The following KLHL1 variants were observed in gnomAD, a reference collection of about 807,000 sequenced individuals.
The protein encoded by KLHL1 is kelch-like protein 1.
KLHL1 carries 47 observed loss-of-function variants against 77.7 expected under a neutral mutation model. The observed-to-expected ratio is 0.60, with a 90% CI of 0.48 to 0.77. KLHL1 has a LOEUF of 0.77. Among genes scored for constraint, KLHL1 ranks in the 30% least tolerant of loss-of-function variants. KLHL1 has a pLI of 0.00. For synonymous variants in KLHL1, 360 were observed against 325.2 expected (o/e 1.11, Z -1.15); for missense variants, 925 against 910.8 (o/e 1.02, Z -0.20).
chr13:70,048,968 G>A (rs1169785636), intron 1 of KLHL1, among the ~76,000 whole-genome samples: 2 of 152,110 alleles, frequency 1.3e-5, no homozygotes, highest in Non-Finnish European at 2.9e-5. Flanking sequence ...GTTTTGCTTG[G>A]AGTTAGTCTA....
intron 1 of KLHL1, among the ~76,000 whole-genome samples, chr13:69,990,646 C>T (rs1343748601): frequency 6.6e-6 from 1 of 151,942 alleles, no homozygotes; most frequent in Non-Finnish European, 1.5e-5. Context: ...ATGCACCCAA[C>T]ACAGGTACAC....
chr13:70,036,015 C>G (rs1326340203), intron 1 of KLHL1, among the ~76,000 whole-genome samples: 3 of 151,998 alleles, frequency 2.0e-5, no homozygotes, highest in Non-Finnish European at 2.9e-5. Flanking sequence ...TGATGAGTAT[C>G]AACACACTGA....
chr13:69,790,142 C>T (rs9572286), intron 7 of KLHL1, among the ~76,000 whole-genome samples: 35,417 of 152,078 alleles, frequency 0.23, 4,236 homozygotes, highest in South Asian at 0.32. Flanking sequence ...CTTAGTTTAT[C>T]CTTGTTGTAC....
At chr13:69,871,108 CTTCCACCGCTT>C (rs1880566988) in intron 5 of KLHL1, among the ~76,000 whole-genome samples, 1 of 152,118 alleles carries the variant, frequency 6.6e-6, no homozygotes, top group Non-Finnish European at 1.5e-5. Context: ...AGCTGCCAAG[CTTCCACCGCTT>C]TTCCATTGTG....
chr13:69,992,985 T>G (rs1241706049), intron 1 of KLHL1, among the ~76,000 whole-genome samples: 1 of 152,026 alleles, frequency 6.6e-6, no homozygotes, highest in African/African-American at 2.4e-5. Context: ...TAAAATCATA[T>G]TGATTAGTAA....
chr13:69,959,787 G>T (rs985085287), intron 3 of KLHL1, among the ~76,000 whole-genome samples: 2 of 151,882 alleles, frequency 1.3e-5, no homozygotes, highest in African/African-American at 2.4e-5. Context: ...ATTGCTTCAA[G>T]TTGTAAAACT....
intron 1 of KLHL1, among the ~76,000 whole-genome samples, chr13:70,052,336 A>G (rs1886648849): frequency 6.6e-6 from 1 of 151,686 alleles, no homozygotes. Context: ...CTGATGAGAA[A>G]GAAAAAAAAA....
chr13:69,714,752 C>T (rs1028466775), intron 9 of KLHL1, among the ~76,000 whole-genome samples: 3 of 151,948 alleles, frequency 2.0e-5, no homozygotes, highest in African/African-American at 7.2e-5. Context: ...TGCCACCACA[C>T]CTCACTAATT....
At chr13:70,004,786 A>C (rs1238232962) in intron 1 of KLHL1, among the ~76,000 whole-genome samples, 1 of 151,806 alleles carries the variant, frequency 6.6e-6, no homozygotes, top group East Asian at 1.9e-4. Context: ...TCTGGGGTTA[A>C]ATAAATCAAA....
At chr13:69,728,884 A>T (rs1369879812) in intron 8 of KLHL1, among the ~76,000 whole-genome samples, 1 of 152,048 alleles carries the variant, frequency 6.6e-6, no homozygotes, top group African/African-American at 2.4e-5. Flanking sequence ...TCATGAAAGA[A>T]ACTCTGTTTT....
At chr13:69,940,440 G>T (rs1300399673) in intron 3 of KLHL1, among the ~76,000 whole-genome samples, 3 of 151,992 alleles carry the variant, frequency 2.0e-5, no homozygotes, top group African/African-American at 7.2e-5. Context: ...AAATCACTCA[G>T]TAGATACAAA....
At position 70,043,125 on chromosome 13, in the gene KLHL1, G is replaced by C. The variant is rs142553856; in HGVS notation, c.497+64078C>G. 8.9e-4 allele frequency among the ~76,000 whole-genome samples: 136 copies of C among 152,118 alleles called. 1 individual carries two copies. The highest frequency in any genetic ancestry group is 3.0e-3 in the African/African-American group (124 of 41,482). ...TCACCATGTTAGCCAGGCTGATCTCGAACTCCCGACCTCTGGTGATCCACC... is the reference window on the plus strand; with the variant it reads ...TCACCATGTTAGCCAGGCTGATCTCCAACTCCCGACCTCTGGTGATCCACC... On this transcript the variant is annotated intron_variant, in intron 1 of 10. Transcript: ENST00000377844.
intron 6 of KLHL1, among the ~76,000 whole-genome samples, chr13:69,832,820 G>A (rs1878814766): frequency 6.6e-6 from 1 of 152,096 alleles, no homozygotes. Context: ...ACAGCCAACT[G>A]ATCTTTGACA....
At position 69,941,135 on chromosome 13, in the gene KLHL1, T is replaced by G. The variant is rs1309407140; in HGVS notation, c.818-899A>C. ...GGATTTAACAAATATTTACAGAACA[T>G]TCTGCCCCTAAACTGCAGAATATAT... On this transcript the variant is annotated intron_variant, in intron 3 of 10. Transcript: ENST00000377844. 3.3e-5 allele frequency among the ~76,000 whole-genome samples: 5 copies of G among 152,046 alleles called. No individual in the cohort carries two copies. The East Asian group carries it at 9.6e-4, about 29-fold the overall frequency.
intron 1 of KLHL1, among the ~76,000 whole-genome samples, chr13:70,091,218 C>T (rs1887665848): frequency 6.6e-6 from 1 of 152,004 alleles, no homozygotes; most frequent in Non-Finnish European, 1.5e-5. Context: ...GGTTCGTCTT[C>T]ACTCACAAGT....
chr13:69,918,001 A>G (rs924059406), intron 4 of KLHL1, among the ~76,000 whole-genome samples: 1 of 152,086 alleles, frequency 6.6e-6, no homozygotes, highest in African/African-American at 2.4e-5. Flanking sequence ...TGATATTGAT[A>G]TGTTGTAAGG....
rs118097561 is a variant in KLHL1, at chr13:70,016,429, C to T, written c.498-40627G>A. 6.1e-3 allele frequency among the ~76,000 whole-genome samples: 930 copies of T among 152,342 alleles called. 7 individuals are homozygous for T. The highest frequency in any genetic ancestry group is 0.024 in the Middle Eastern group (7 of 294). ...GGGGCCCAGGAAGACCCCCTGTCCC[C>T]GTAGGCTCGTAAGTGCCTGCTCTAG... On this transcript the variant is annotated intron_variant, in intron 1 of 10. Transcript: ENST00000377844.
intron 4 of KLHL1, chr13:69,894,589 T>C (rs1180031292): frequency 2.6e-5 from 4 of 156,776 alleles, no homozygotes; most frequent in Admixed American, 1.3e-4. Flanking sequence ...ACAATTCCCA[T>C]ATGAAATTGG....
At chr13:69,770,370 G>A (rs573525913) in intron 7 of KLHL1, among the ~76,000 whole-genome samples, 8 of 152,336 alleles carry the variant, frequency 5.3e-5, no homozygotes, top group South Asian at 2.1e-4. Flanking sequence ...TGCTGGCCAC[G>A]GAGGTTTCTG....
Sources: gnomAD v4.1 joint callset for allele counts (sites outside exome capture counted in the v4.1 genomes callset) on GRCh38, gnomAD v4.1.1 for gene constraint, MANE v1.5 for transcripts, NCBI Gene and HGNC (gene_info 2026-07-23, HGNC 2026-07-21) for gene names.